Variants in SEMA3E observed in about 807,000 individuals in gnomAD.
SEMA3E encodes semaphorin 3E.
Under a neutral mutation model 93.6 loss-of-function variants are expected in SEMA3E, and 49 were observed. That is an observed-to-expected ratio of 0.52 (90% CI 0.42 to 0.66). The LOEUF (loss-of-function observed/expected upper bound fraction) is 0.66, where lower values mean the gene tolerates loss of function less well. SEMA3E is among the 30% of genes least tolerant of loss of function. The pLI, the probability that SEMA3E is intolerant of heterozygous loss-of-function variation, is 0.00. For synonymous variants in SEMA3E, 363 were observed against 330.7 expected, an observed-to-expected ratio of 1.10 and a Z score of -1.06; for missense variants, 906 against 964.8, an observed-to-expected ratio of 0.94 and a Z score of 0.81.
At chr7:83,500,754 G>A (rs115936581) in intron 1 of SEMA3E, among the ~76,000 whole-genome samples, 2,049 of 151,822 alleles carry the variant, frequency 0.013, 55 homozygotes, top group African/African-American at 0.046. Context: ...CACCATACCC[G>A]GCTGATGTTT....
At chr7:83,408,054 T>C (rs909574731) in intron 6 of SEMA3E, among the ~76,000 whole-genome samples, 8 of 152,134 alleles carry the variant, frequency 5.3e-5, no homozygotes, top group African/African-American at 1.4e-4. Context: ...TTGATAAAAG[T>C]AGACAAAACA....
intron 4 of SEMA3E, among the ~76,000 whole-genome samples, chr7:83,457,690 G>A (rs1789516206): frequency 6.6e-6 from 1 of 151,998 alleles, no homozygotes; most frequent in African/African-American, 2.4e-5. Flanking sequence ...CTCCCTGCTT[G>A]AATCAATCTT....
chr7:83,403,107 C>G lies in SEMA3E; in HGVS notation c.999-331G>C, dbSNP rs560003659. ...GCCTTCATATTAACAAAGGCTTATT[C>G]CCAAGTTGAATTACTCATTTAGATA... On this transcript the variant is annotated intron_variant, in intron 9 of 16. Transcript: ENST00000643230. Among the ~76,000 whole-genome samples the G allele has an allele frequency of 2.0e-5, 3 of 151,880 alleles. No individual in the cohort carries two copies. The South Asian group carries it at 6.2e-4, about 32-fold the overall frequency.
intron 1 of SEMA3E, among the ~76,000 whole-genome samples, chr7:83,515,322 G>C (rs1368964133): frequency 6.6e-6 from 1 of 150,664 alleles, no homozygotes; most frequent in Non-Finnish European, 1.5e-5. Flanking sequence ...AATGTCCTAG[G>C]TTCTGAGTAA....
intron 16 of SEMA3E, among the ~76,000 whole-genome samples, chr7:83,376,103 G>A (rs766473035): frequency 2.0e-5 from 3 of 152,070 alleles, no homozygotes; most frequent in South Asian, 2.1e-4. Context: ...CCAAAACTAC[G>A]AAACAGATGG....
At chr7:83,560,981 A>G (rs774123704) in intron 1 of SEMA3E, among the ~76,000 whole-genome samples, 1 of 152,072 alleles carries the variant, frequency 6.6e-6, no homozygotes, top group Non-Finnish European at 1.5e-5. Flanking sequence ...ACTATGATTC[A>G]ATTTCCTGGA....
chr7:83,625,658 C>A (rs1793655500), intron 1 of SEMA3E, among the ~76,000 whole-genome samples: 1 of 152,064 alleles, frequency 6.6e-6, no homozygotes, highest in African/African-American at 2.4e-5. Flanking sequence ...CAAGCAGAGA[C>A]AATCTGACTT....
intron 1 of SEMA3E, among the ~76,000 whole-genome samples, chr7:83,544,659 A>G (rs2115776370): frequency 6.6e-6 from 1 of 152,270 alleles, no homozygotes; most frequent in Admixed American, 6.5e-5. Context: ...ACTGAAGGTC[A>G]TGATTTACAT....
At chr7:83,437,426 T>TA (rs1230328052) in intron 4 of SEMA3E, among the ~76,000 whole-genome samples, 3 of 151,916 alleles carry the variant, frequency 2.0e-5, no homozygotes, top group African/African-American at 7.2e-5. Context: ...CAGAAGACAT[T>TA]AAAAAATTGA....
At chr7:83,577,404 TA>T (rs1280346856) in intron 1 of SEMA3E, among the ~76,000 whole-genome samples, 2 of 152,160 alleles carry the variant, frequency 1.3e-5, no homozygotes, top group African/African-American at 2.4e-5. Flanking sequence ...GTAAGTAACT[TA>T]CCAAGACTCA....
At chr7:83,448,978 T>C (rs1374434061) in intron 4 of SEMA3E, among the ~76,000 whole-genome samples, 1 of 152,124 alleles carries the variant, frequency 6.6e-6, no homozygotes, top group African/African-American at 2.4e-5. Context: ...TTAATAAAAA[T>C]AGCTACCTTA....
rs1241693530 is a variant in SEMA3E, at chr7:83,418,465, C to G, written c.475G>C (p.Glu159Gln). ...YHLEDPLFHL[E>Q]SPRSERGRGR... ...CTTCCTCTCTCAGATCTGGGTGATT[C>G]CAGGTGAAACAGAGGATCCTTGAAA... Residue 159 changes from glutamate (E) to glutamine (Q), a missense_variant, in exon 5 of 17, where the codon GAA (glutamate) becomes CAA (glutamine). Coordinates refer to ENST00000643230, the MANE Select transcript of SEMA3E (RefSeq NM_012431.3). The G allele has an allele frequency of 3.1e-6, 5 of 1,610,892 alleles. No homozygotes were observed. The Admixed American group carries it at 8.4e-5, about 27-fold the overall frequency.
chr7:83,511,290 T>G (rs905814948), intron 1 of SEMA3E, among the ~76,000 whole-genome samples: 3 of 151,624 alleles, frequency 2.0e-5, no homozygotes, highest in Admixed American at 6.6e-5. Flanking sequence ...AATATGTTTT[T>G]TTTTTTTTTT....
intron 4 of SEMA3E, among the ~76,000 whole-genome samples, chr7:83,419,512 C>T (rs984771651): frequency 6.6e-6 from 1 of 152,156 alleles, no homozygotes; most frequent in Non-Finnish European, 1.5e-5. Flanking sequence ...CTCTAAACTT[C>T]TTTCCACAAT....
chr7:83,639,427 A>G (rs1793953561), intron 1 of SEMA3E, among the ~76,000 whole-genome samples: 1 of 152,040 alleles, frequency 6.6e-6, no homozygotes, highest in Non-Finnish European at 1.5e-5. Flanking sequence ...TATTTTGACC[A>G]TAATATGGAA....
At chr7:83,490,056 T>G in intron 2 of SEMA3E, 58 bp downstream of exon 2, 7 of 1,538,374 alleles carry the variant, frequency 4.6e-6, no homozygotes, top group Non-Finnish European at 5.4e-6. Context: ...ACAAGTAACA[T>G]TCTTGAAATT....
chr7:83,504,029 A>G (rs997814480), intron 1 of SEMA3E, among the ~76,000 whole-genome samples: 5 of 152,146 alleles, frequency 3.3e-5, no homozygotes, highest in African/African-American at 4.8e-5. Context: ...TCAACTCACA[A>G]ATTTAATCCT....
chr7:83,579,413 A>G (rs1326485928), intron 1 of SEMA3E, among the ~76,000 whole-genome samples: 1 of 152,090 alleles, frequency 6.6e-6, no homozygotes, highest in East Asian at 1.9e-4. Context: ...TCTTAGAGAA[A>G]TTTGTTTTAA....
chr7:83,575,158 T>C (rs1792372122), intron 1 of SEMA3E, among the ~76,000 whole-genome samples: 1 of 152,040 alleles, frequency 6.6e-6, no homozygotes, highest in African/African-American at 2.4e-5. Context: ...AGTTTGTTTT[T>C]ACCCTGAAAA....
Sources: allele counts gnomAD v4.1 joint callset (sites outside exome capture counted in the v4.1 genomes callset), GRCh38; gene constraint gnomAD v4.1.1; transcripts MANE v1.5; gene names NCBI Gene and HGNC (gene_info 2026-07-23, HGNC 2026-07-21).